Variants in STK32B observed in about 807,000 individuals in gnomAD.
The protein encoded by STK32B is serine/threonine-protein kinase 32B.
In STK32B, 43 loss-of-function variants were observed where a neutral mutation model predicts 52.6. The observed-to-expected ratio is 0.82, with a 90% CI of 0.64 to 1.05. The LOEUF (loss-of-function observed/expected upper bound fraction) is 1.05. STK32B is among the 50% of genes least tolerant of loss of function. The pLI is 0.00. For missense variants in STK32B, 621 were observed against 534.6 expected (o/e 1.16, Z -1.59); for synonymous variants, 238 against 204.3 (o/e 1.17, Z -1.41).
intron 4 of STK32B, among the ~76,000 whole-genome samples, chr4:5,364,098 C>A (rs1466268833): frequency 7.3e-6 from 1 of 137,430 alleles, no homozygotes; most frequent in South Asian, 2.4e-4. Flanking sequence ...TGACCCCCCC[C>A]ACTGTCCACA....
chr4:5,043,083 G>C, the STK32B span, among the ~76,000 whole-genome samples: 2,710 of 144,358 alleles, frequency 0.019, 89 homozygotes, highest in African/African-American at 0.066. Flanking sequence ...TCCGCAGTCC[G>C]GCCTGGGCGA....
At chr4:5,365,468 T>C (rs868570218) in intron 4 of STK32B, among the ~76,000 whole-genome samples, 47 of 152,206 alleles carry the variant, frequency 3.1e-4, no homozygotes, top group Admixed American at 1.7e-3. Flanking sequence ...AAACTAAATA[T>C]AACCTCTTTT....
At chr4:5,431,544 AT>A (rs1372192275) in intron 6 of STK32B, among the ~76,000 whole-genome samples, 1 of 151,890 alleles carries the variant, frequency 6.6e-6, no homozygotes, top group Non-Finnish European at 1.5e-5. Context: ...AATTGAACAC[AT>A]TTAACATGAA....
At chr4:5,053,817 A>C (rs896265775) in intron 1 of STK32B, among the ~76,000 whole-genome samples, 22 of 151,810 alleles carry the variant, frequency 1.4e-4, no homozygotes, top group African/African-American at 5.3e-4. Context: ...CGACTCTACT[A>C]AAAATACAAA....
chr4:5,341,560 G>C (rs16837040), intron 4 of STK32B, among the ~76,000 whole-genome samples: 17,032 of 152,138 alleles, frequency 0.11, 1,652 homozygotes, highest in African/African-American at 0.26. Context: ...TGATTTCGTC[G>C]GTAACTTACT....
chr4:5,030,680 T>C, the STK32B span, among the ~76,000 whole-genome samples: 1 of 152,214 alleles, frequency 6.6e-6, no homozygotes, highest in African/African-American at 2.4e-5. Flanking sequence ...GGTCATACCA[T>C]TAATTAATAG....
chr4:5,057,037 C>T (rs1171106831), intron 1 of STK32B, among the ~76,000 whole-genome samples: 1 of 152,206 alleles, frequency 6.6e-6, no homozygotes, highest in African/African-American at 2.4e-5. Context: ...ACTGCAGCCT[C>T]CTAAAGAACA....
intron 4 of STK32B, among the ~76,000 whole-genome samples, chr4:5,332,522 T>G (rs927529641): frequency 1.3e-5 from 2 of 152,146 alleles, no homozygotes; most frequent in Non-Finnish European, 2.9e-5. Flanking sequence ...ATACTTTAAG[T>G]TTTAGGGTAC....
intron 3 of STK32B, among the ~76,000 whole-genome samples, chr4:5,317,348 T>C (rs1346502203): frequency 1.4e-4 from 4 of 29,164 alleles, no homozygotes; most frequent in Non-Finnish European, 2.2e-4. Context: ...AATACATATA[T>C]ATAATATATA....
chr4:5,134,164 C>A (rs886779419), intron 1 of STK32B, among the ~76,000 whole-genome samples: 8 of 152,210 alleles, frequency 5.3e-5, no homozygotes, highest in Non-Finnish European at 1.5e-5. Context: ...TGTGGAAGGG[C>A]ATCGCAGGCC....
At chr4:5,269,834 A>G (rs1411628143) in intron 3 of STK32B, among the ~76,000 whole-genome samples, 4 of 152,218 alleles carry the variant, frequency 2.6e-5, no homozygotes, top group African/African-American at 9.6e-5. Context: ...AGAAAACTGT[A>G]GACTGATATT....
chr4:5,165,773 C>A (rs75574902), intron 2 of STK32B, among the ~76,000 whole-genome samples: 30 of 152,300 alleles, frequency 2.0e-4, no homozygotes, highest in African/African-American at 6.7e-4. Context: ...ATTTTATATT[C>A]TCACGTTCAC....
rs1272839856 is a variant in STK32B at position 5,467,448 on chromosome 4, G to A, written c.1042-558G>A. Among the ~76,000 whole-genome samples the A allele has an allele frequency of 1.3e-5, 2 of 152,090 alleles. No homozygotes were observed. The highest frequency in any genetic ancestry group is 2.9e-5 in the Non-Finnish European group (2 of 68,038). ...GCATGGCCTTATTCTCTGTGTCTTC[G>A]CATGTCTTCATATGGCCTTCATATA... On this transcript the variant is annotated intron_variant, in intron 10 of 11. Coordinates refer to ENST00000282908, the MANE Select transcript of STK32B (RefSeq NM_018401.3). The surrounding 1 kb of genome is among the most constrained non-coding windows in gnomAD (Gnocchi z 5.8).
At chr4:5,047,406 TG>T (rs1560124407), upstream of STK32B, among the ~76,000 whole-genome samples, 2 of 152,128 alleles carry the variant, frequency 1.3e-5, no homozygotes, top group Admixed American at 6.5e-5. Flanking sequence ...CCACGGCACA[TG>T]TCTACTTATG....
intron 6 of STK32B, among the ~76,000 whole-genome samples, chr4:5,434,489 C>T (rs1713874630): frequency 6.7e-6 from 1 of 148,208 alleles, no homozygotes; most frequent in South Asian, 2.2e-4. Context: ...TTATATTCAG[C>T]ATGTTTATAA....
chr4:5,248,546 A>C (rs1256527017), intron 3 of STK32B, among the ~76,000 whole-genome samples: 1 of 152,202 alleles, frequency 6.6e-6, no homozygotes, highest in Non-Finnish European at 1.5e-5. Flanking sequence ...CCTGGGAGAC[A>C]CTTGTCTTTT....
At chr4:5,364,429 C>A (rs533632011) in intron 4 of STK32B, among the ~76,000 whole-genome samples, 41 of 152,360 alleles carry the variant, frequency 2.7e-4, no homozygotes, top group Middle Eastern at 6.8e-3. Flanking sequence ...CTTCAGTGGG[C>A]TGGCAACATG....
chr4:5,101,437 T>A (rs1713783395), intron 1 of STK32B, among the ~76,000 whole-genome samples: 2 of 152,210 alleles, frequency 1.3e-5, no homozygotes, highest in South Asian at 4.1e-4. Flanking sequence ...TTACTTCTTT[T>A]GTCAATGCCT....
chr4:5,173,881 T>G (rs992794129), intron 3 of STK32B, among the ~76,000 whole-genome samples: 1 of 152,214 alleles, frequency 6.6e-6, no homozygotes, highest in African/African-American at 2.4e-5. Flanking sequence ...GTCTCATTGA[T>G]CTGTCTAATG....
Sources: allele counts gnomAD v4.1 joint callset (sites outside exome capture counted in the v4.1 genomes callset), GRCh38; gene constraint gnomAD v4.1.1; non-coding constraint Gnocchi (gnomAD v3.1); transcripts MANE v1.5; gene names NCBI Gene and HGNC (gene_info 2026-07-23, HGNC 2026-07-21).